NME9: variants seen among roughly 807,000 people sequenced by gnomAD.
The protein encoded by NME9 is thioredoxin domain-containing protein 6.
Under a neutral mutation model 44.4 loss-of-function variants are expected in NME9, and 48 were observed. The observed-to-expected ratio is 1.08, with a 90% CI of 0.86 to 1.37. The LOEUF (loss-of-function observed/expected upper bound fraction) is 1.37. Ranked by LOEUF, NME9 falls within the 40% of genes most tolerant of loss-of-function variation. The pLI is 0.00. For synonymous variants in NME9, 139 were observed against 147.1 expected (o/e 0.94, Z 0.40); for missense variants, 325 against 405.2 (o/e 0.80, Z 1.70).
exon 9 of NME9, chr3:138,262,185 G>T: frequency 5.5e-6 from 1 of 182,106 alleles, no homozygotes; most frequent in African/African-American, 2.4e-5. Flanking sequence ...TCCATGCCAG[G>T]GGGAAAAGAT....
chr3:138,311,707 C>A (rs1273581599), intron 6 of NME9, among the ~76,000 whole-genome samples: 3 of 152,116 alleles, frequency 2.0e-5, no homozygotes, highest in Non-Finnish European at 4.4e-5. Context: ...TGATAAAAAA[C>A]CTTCAAAACA....
Position 138,329,464 on chromosome 3 carries a change from C to A in NME9, c.-129G>T. ...AGACAAGCCCCCCTCCTACGGCCCC[C>A]GGCCCCTTTTTAAGGTGCTTCTAAC... On this transcript the variant is annotated 5_prime_UTR_variant, in exon 1 of 11. Coordinates refer to ENST00000333911, the MANE Select transcript of NME9 (RefSeq NM_001349018.2). 1 of 1,492,720 alleles carries A rather than the reference C, an allele frequency of 6.7e-7. No homozygotes were observed. The highest frequency in any genetic ancestry group is 2.5e-5 in the East Asian group (1 of 39,574). The allele number at this position is 1,492,720 out of a possible 1,614,324, so 92.5% of individuals were successfully genotyped here.
intron 8 of NME9, chr3:138,284,619 GAA>G (rs1262120599): frequency 1.1e-6 from 1 of 930,422 alleles, no homozygotes; most frequent in Non-Finnish European, 1.7e-6. Context: ...TTAAAAAGAG[GAA>G]AAGAATAGAT....
At chr3:138,316,640 G>A (rs2053102712) in intron 4 of NME9, among the ~76,000 whole-genome samples, 1 of 151,948 alleles carries the variant, frequency 6.6e-6, no homozygotes, top group Admixed American at 6.6e-5. Context: ...ATGAGATGGA[G>A]TTTCACTCTT....
intron 1 of NME9, chr3:138,327,174 A>G (rs1217355867): frequency 6.6e-6 from 1 of 151,802 alleles, no homozygotes; most frequent in Non-Finnish European, 1.5e-5. Flanking sequence ...AAAAAAAAAA[A>G]AAGTCTCTCT....
At chr3:138,308,945 GAAAA>G (rs1002890235) in intron 6 of NME9, among the ~76,000 whole-genome samples, 1,882 of 52,850 alleles carry the variant, frequency 0.036, 10 homozygotes, top group Non-Finnish European at 0.06. Flanking sequence ...AATACTGAAA[GAAAA>G]AAAAAAAAAA....
intron 8 of NME9, 28 bp from the exon 9 acceptor site, chr3:138,305,055 C>G: frequency 6.2e-7 from 1 of 1,610,118 alleles, no homozygotes; most frequent in African/African-American, 1.3e-5. Context: ...AAACAGTGAC[C>G]AGGGCAGGAG....
chr3:138,263,565 C>T (rs537806877), intron 8 of NME9: 2 of 643,444 alleles, frequency 3.1e-6, no homozygotes, highest in Non-Finnish European at 2.8e-6. Flanking sequence ...GTGGGCTAGA[C>T]CTACCTTTCT....
chr3:138,303,896 A>T (rs752597381), intron 9 of NME9, among the ~76,000 whole-genome samples: 42 of 152,186 alleles, frequency 2.8e-4, no homozygotes, highest in Non-Finnish European at 5.4e-4. Context: ...CAGCTCTATG[A>T]GGGAGTCTAC....
At chr3:138,268,566 G>A (rs2048493525) in intron 8 of NME9, among the ~76,000 whole-genome samples, 1 of 152,040 alleles carries the variant, frequency 6.6e-6, no homozygotes, top group African/African-American at 2.4e-5. Context: ...TTTTTATATT[G>A]AAAAATTAAC....
intron 8 of NME9, among the ~76,000 whole-genome samples, chr3:138,292,599 A>G (rs2051070657): frequency 6.6e-6 from 1 of 152,204 alleles, no homozygotes; most frequent in South Asian, 2.1e-4. Flanking sequence ...AGCCTGAGCA[A>G]CTGGACAGAG....
intron 6 of NME9, among the ~76,000 whole-genome samples, chr3:138,312,581 T>G (rs1202380784): frequency 6.6e-6 from 1 of 152,200 alleles, no homozygotes; most frequent in Non-Finnish European, 1.5e-5. Flanking sequence ...CACCCCTATT[T>G]CTCACCATAT....
chr3:138,282,506 C>T (rs1037862479), intron 8 of NME9, among the ~76,000 whole-genome samples: 2 of 151,822 alleles, frequency 1.3e-5, no homozygotes, highest in South Asian at 2.1e-4. Context: ...ATTAGCTGGG[C>T]GTGTGGCACA....
intron 8 of NME9, chr3:138,264,115 T>G (rs779125196): frequency 1.2e-6 from 2 of 1,605,342 alleles, no homozygotes; most frequent in East Asian, 2.2e-5. Context: ...AAGCTAATTT[T>G]GATTATTCTT....
chr3:138,281,321 TCTCA>T (rs2049902267), intron 8 of NME9, among the ~76,000 whole-genome samples: 1 of 150,702 alleles, frequency 6.6e-6, no homozygotes, highest in African/African-American at 2.4e-5. Context: ...TGATAGAGAG[TCTCA>T]CTCTGTTGCC....
chr3:138,271,531 T>G (rs1208670013), intron 8 of NME9, among the ~76,000 whole-genome samples: 2 of 152,178 alleles, frequency 1.3e-5, no homozygotes, highest in Non-Finnish European at 2.9e-5. Flanking sequence ...CTGAACTCAT[T>G]TCACTCCTCA....
At chr3:138,317,731 C>G (rs773171483) in intron 4 of NME9, among the ~76,000 whole-genome samples, 7 of 152,156 alleles carry the variant, frequency 4.6e-5, no homozygotes, top group African/African-American at 7.2e-5. Context: ...ATCTTGAAAC[C>G]CTGTGCTCTG....
chr3:138,265,891 G>A (rs1013884444), intron 8 of NME9, among the ~76,000 whole-genome samples: 9 of 152,182 alleles, frequency 5.9e-5, no homozygotes, highest in African/African-American at 1.7e-4. Flanking sequence ...CTGGAATAAA[G>A]CAGTAGGAGT....
At chr3:138,322,251 T>C (rs527266622) in intron 2 of NME9, among the ~76,000 whole-genome samples, 65 of 152,066 alleles carry the variant, frequency 4.3e-4, no homozygotes, top group Admixed American at 2.2e-3. Context: ...CTCTCTGTGC[T>C]GTATTTGTAT....
Sources: allele counts gnomAD v4.1 joint callset (sites outside exome capture counted in the v4.1 genomes callset), GRCh38; gene constraint gnomAD v4.1.1; transcripts MANE v1.5; gene names NCBI Gene and HGNC (gene_info 2026-07-23, HGNC 2026-07-21).